RLIG1: variants seen among roughly 807,000 people sequenced by gnomAD.
The protein encoded by RLIG1 is RNA ligase 1.
chr12:88,049,425 CATT>C, the RLIG1 span: 6 of 1,279,046 alleles, frequency 4.7e-6, no homozygotes, highest in Non-Finnish European at 5.5e-6. Context: ...CTAATGGAAA[CATT>C]ATCTTTAAAA....
the RLIG1 span, chr12:88,049,560 C>T: frequency 1.7e-6 from 1 of 593,770 alleles, no homozygotes; most frequent in South Asian, 2.2e-5. Flanking sequence ...TAAGATTTTT[C>T]TTTGTTCCAT....
chr12:88,048,167 C>CAAAT, the RLIG1 span: 8 of 1,277,054 alleles, frequency 6.3e-6, no homozygotes, highest in African/African-American at 7.7e-5. Flanking sequence ...AGTGGGCACT[C>CAAAT]AAATATTTCT....
chr12:88,047,086 A>G, the RLIG1 span: 1 of 1,123,284 alleles, frequency 8.9e-7, no homozygotes, highest in Middle Eastern at 2.1e-4. Flanking sequence ...TATTTGCAGT[A>G]AAGAAATTTA....
At chr12:88,039,699 T>C in the RLIG1 span, among the ~76,000 whole-genome samples, 11 of 152,194 alleles carry the variant, frequency 7.2e-5, no homozygotes, top group Non-Finnish European at 1.3e-4. Context: ...CACTTGCTTG[T>C]CATAGCTAAC....
the RLIG1 span, chr12:88,048,124 A>AT: frequency 5.9e-6 from 4 of 683,340 alleles, no homozygotes; most frequent in Admixed American, 3.9e-5. Flanking sequence ...AAACAGTAAG[A>AT]TAAAGTGGAG....
chr12:88,048,617 TA>T, the RLIG1 span: 2 of 394,036 alleles, frequency 5.1e-6, no homozygotes, highest in African/African-American at 2.1e-5. Flanking sequence ...TCTCTAGCCA[TA>T]AAAACATAAG....
the RLIG1 span, chr12:88,035,595 AC>A: frequency 6.5e-7 from 1 of 1,542,134 alleles, no homozygotes; most frequent in African/African-American, 1.4e-5. Context: ...CCGCGACTGG[AC>A]CGGGCGCCGC....
At chr12:88,047,857 T>TATCA in the RLIG1 span, among the ~76,000 whole-genome samples, 6 of 152,164 alleles carry the variant, frequency 3.9e-5, no homozygotes, top group African/African-American at 7.2e-5. Context: ...AACTCCATTC[T>TATCA]ATCATATAAC....
At chr12:88,046,869 A>G in the RLIG1 span, 2 of 1,613,154 alleles carry the variant, frequency 1.2e-6, no homozygotes, top group Non-Finnish European at 8.5e-7. Flanking sequence ...TCAAATAAGA[A>G]ATCTACCTTC....
the RLIG1 span, chr12:88,048,517 A>C: frequency 2.7e-6 from 2 of 739,458 alleles, no homozygotes; most frequent in Non-Finnish European, 3.9e-6. Context: ...ATGAAACATC[A>C]ATATGTTTTC....
the RLIG1 span, among the ~76,000 whole-genome samples, chr12:88,039,473 A>G: frequency 6.6e-6 from 1 of 152,178 alleles, no homozygotes; most frequent in Non-Finnish European, 1.5e-5. Flanking sequence ...TTAATTAAGC[A>G]TACAATCTAG....
chr12:88,048,549 T>C, the RLIG1 span: 4 of 646,600 alleles, frequency 6.2e-6, no homozygotes, highest in Admixed American at 1.6e-4. Flanking sequence ...AAGAAATGAA[T>C]TTTCCAGTTT....
At chr12:88,049,030 C>A in the RLIG1 span, 1 of 436,580 alleles carries the variant, frequency 2.3e-6, no homozygotes, top group Non-Finnish European at 4.1e-6. Flanking sequence ...TTGAAAATTT[C>A]ATATAATTTT....
At chr12:88,048,926 A>AACTT in the RLIG1 span, 3 of 274,630 alleles carry the variant, frequency 1.1e-5, no homozygotes, top group African/African-American at 2.2e-5. Flanking sequence ...TTCTTTAAAA[A>AACTT]ACTTAAAGCA....
At chr12:88,044,829 T>A in the RLIG1 span, 1 of 152,222 alleles carries the variant, frequency 6.6e-6, no homozygotes, top group Non-Finnish European at 1.5e-5. Flanking sequence ...ATGTAACACT[T>A]TATTGCAGCT....
At chr12:88,046,526 G>A in the RLIG1 span, among the ~76,000 whole-genome samples, 18 of 142,742 alleles carry the variant, frequency 1.3e-4, no homozygotes, top group Non-Finnish European at 2.5e-4. Context: ...ATGAGTGGGT[G>A]CGGCTGTGTT....
chr12:88,046,910 T>A, the RLIG1 span: 1 of 1,613,134 alleles, frequency 6.2e-7, no homozygotes, highest in Non-Finnish European at 8.5e-7. Context: ...TGTCCTGGTT[T>A]GAAGATTGCA....
the RLIG1 span, among the ~76,000 whole-genome samples, chr12:88,037,872 T>C: frequency 6.6e-6 from 1 of 152,154 alleles, no homozygotes; most frequent in Admixed American, 6.6e-5. Context: ...AAATAAATTA[T>C]AGATAAAAAG....
At chr12:88,038,256 G>A in the RLIG1 span, among the ~76,000 whole-genome samples, 2 of 152,040 alleles carry the variant, frequency 1.3e-5, no homozygotes, top group Non-Finnish European at 2.9e-5. Flanking sequence ...GCTAATATGA[G>A]GTCTCGTCTA....
Sources: allele counts gnomAD v4.1 joint callset (sites outside exome capture counted in the v4.1 genomes callset), GRCh38; gene constraint gnomAD v4.1.1; transcripts MANE v1.5; gene names NCBI Gene and HGNC (gene_info 2026-07-23, HGNC 2026-07-21).